The following RAI1 variants were observed in gnomAD, a reference collection of about 807,000 sequenced individuals.
The protein encoded by RAI1 is retinoic acid induced 1.
A neutral mutation model predicts 123.8 loss-of-function variants in RAI1; 9 were observed. The ratio of observed to expected loss-of-function variants is 0.07; its 90% CI spans 0.04 to 0.13. The LOEUF is 0.13. Ranked by LOEUF, RAI1 falls within the 10% of genes least tolerant of loss-of-function variation. RAI1 has a pLI of 1.00. For synonymous variants in RAI1, 1,231 were observed against 1,127.3 expected, an observed-to-expected ratio of 1.09 and a Z score of -1.84; for missense variants, 2,256 against 2,545.8, an observed-to-expected ratio of 0.89 and a Z score of 2.45.
rs368975225 is a variant in RAI1, at chr17:17,796,538, G to T, written c.3590G>T (p.Gly1197Val). ...GTCTCCAGCAGCCCCCAGAAGGAGG[G>T]CAGGGTGAGCCAGCGGGCAAGGGTC... ...FKVSSSPQKE[G>V]RVSQRARVPK... The change falls in exon 3 of 6, where the codon GGC becomes GTC. Residue 1197 changes from glycine to valine, a missense_variant. Around this residue, in one of 7 missense-constraint regions of RAI1, gnomAD observed 322 missense variants for 358.0 expected, o/e 0.90. Coordinates refer to ENST00000353383, the MANE Select transcript of RAI1 (RefSeq NM_030665.4). The surrounding 1 kb of genome is among the most constrained non-coding windows in gnomAD (Gnocchi z 5.8). The T allele has an allele frequency of 6.8e-6, 11 of 1,610,964 alleles. No individual in the cohort carries two copies. In the African/African-American group the frequency reaches 1.3e-4, roughly 20 times the overall value.
chr17:17,788,270 C>T (rs949787430), intron 2 of RAI1, among the ~76,000 whole-genome samples: 5 of 152,066 alleles, frequency 3.3e-5, no homozygotes, highest in African/African-American at 9.7e-5. Flanking sequence ...CCTCTCAGCC[C>T]GTGGACCCTA....
At chr17:17,798,663 G>T in intron 3 of RAI1, 150 bp downstream of exon 3, 3 of 1,384,688 alleles carry the variant, frequency 2.2e-6, no homozygotes, top group Non-Finnish European at 2.9e-6. Context: ...AGCCTCTCTG[G>T]GGTGTGTGGG....
intron 2 of RAI1, among the ~76,000 whole-genome samples, chr17:17,792,547 G>T: frequency 6.8e-6 from 1 of 146,168 alleles, no homozygotes. Flanking sequence ...AGTGATGGGT[G>T]GGGGACATTG....
rs757038212 is a variant in RAI1 at position 17,797,868 on chromosome 17, C to T, written c.4920C>T (p.Phe1640=). 6.2e-7 allele frequency: 1 copy of T among 1,614,030 alleles called. No homozygotes were observed. The highest frequency in any genetic ancestry group is 1.1e-5 in the South Asian group (1 of 91,086). Residue 1640 remains phenylalanine (F), a synonymous_variant, in exon 3 of 6, where the codon TTC becomes TTT. Transcript: ENST00000353383. ...CCTCTTCCTCATCCTCGTCCTCGTT[C>T]TCCTTGGATGCAGCCGGGGCCTCCC... ...SASSSSSSSS[F]SLDAAGASLA...
chr17:17,713,126 G>A (rs1339097018), intron 1 of RAI1, among the ~76,000 whole-genome samples: 3 of 152,082 alleles, frequency 2.0e-5, no homozygotes, highest in Admixed American at 6.6e-5. Context: ...CTTTAAAAGG[G>A]TGAATTTTAT....
rs541046292 is a variant in RAI1, at chr17:17,694,632, C to G, written c.-149+12839C>G. Among the ~76,000 whole-genome samples, 484 of 152,024 alleles carry G rather than the reference C, an allele frequency of 3.2e-3. 3 individuals are homozygous for G. Among genetic ancestry groups the G allele is most frequent in the African/African-American group, 0.011 (461 of 41,532 alleles). On this transcript the variant is annotated intron_variant, in intron 1 of 5. Transcript: ENST00000353383. ...TGCCGGTCCCGCCCCTCCCCGCCCG[C>G]GGCGCCCACCATCTTGGCCGCGCCG... is the stretch of plus-strand genomic sequence containing the variant.
chr17:17,793,565 G>T lies in RAI1; in HGVS notation c.617G>T (p.Gly206Val), dbSNP rs1023789134. ...GCCTCCCCTCTGCCCTTCCCCCAGGGTACCCACTTTCCTCAGCATTCCCAG... is the reference window on the plus strand; with the variant it reads ...GCCTCCCCTCTGCCCTTCCCCCAGGTTACCCACTTTCCTCAGCATTCCCAG... ...DIASPLPFPQ[G>V]THFPQHSQSF... Residue 206 changes from glycine to valine, a missense_variant, in exon 3 of 6, where the codon GGT becomes GTT. Physicochemically the swap from Gly to Val is moderately radical, Grantham distance 109 (BLOSUM62 -3). Coordinates refer to ENST00000353383, the MANE Select transcript of RAI1 (RefSeq NM_030665.4). 6 of 1,613,844 alleles carry T rather than the reference G, an allele frequency of 3.7e-6. No homozygotes were observed. The highest frequency in any genetic ancestry group is 5.1e-6 in the Non-Finnish European group (6 of 1,179,990).
At chr17:17,763,621 T>C (rs1383368096) in intron 2 of RAI1, among the ~76,000 whole-genome samples, 1 of 152,040 alleles carries the variant, frequency 6.6e-6, no homozygotes, top group Non-Finnish European at 1.5e-5. Context: ...GGGGCCCAGG[T>C]CATAAAAGAA....
intron 2 of RAI1, among the ~76,000 whole-genome samples, chr17:17,746,090 C>T (rs1221386270): frequency 2.0e-5 from 3 of 151,790 alleles, no homozygotes; most frequent in Admixed American, 2.0e-4. Flanking sequence ...GCAGATCCTC[C>T]ACCAGCACCT....
At chr17:17,773,682 CAG>C (rs1399351278) in intron 2 of RAI1, among the ~76,000 whole-genome samples, 1 of 152,144 alleles carries the variant, frequency 6.6e-6, no homozygotes, top group Non-Finnish European at 1.5e-5. Context: ...GCCCAGCACA[CAG>C]AGGGTACCCA....
intron 4 of RAI1, among the ~76,000 whole-genome samples, chr17:17,808,176 G>A (rs1224969310): frequency 6.6e-6 from 1 of 151,988 alleles, no homozygotes; most frequent in Non-Finnish European, 1.5e-5. Context: ...AGACTGGGGG[G>A]TCCCTGGGGG....
At chr17:17,766,916 GC>G (rs999032254) in intron 2 of RAI1, among the ~76,000 whole-genome samples, 2 of 151,820 alleles carry the variant, frequency 1.3e-5, no homozygotes, top group Non-Finnish European at 2.9e-5. Flanking sequence ...GGCTTTGGAA[GC>G]CCATGGGTTG....
Position 17,797,739 on chromosome 17 carries a change from C to T in RAI1, c.4791C>T (p.Pro1597=), listed in dbSNP as rs2032315947. The T allele has an allele frequency of 2.5e-6, 4 of 1,613,922 alleles. No individual in the cohort carries two copies. The highest frequency in any genetic ancestry group is 1.3e-5 in the African/African-American group (1 of 74,956). The change falls in exon 3 of 6, where the codon CCC becomes CCT. Residue 1597 remains proline, a synonymous_variant. Coordinates refer to ENST00000353383, the MANE Select transcript of RAI1 (RefSeq NM_030665.4). ...ACAGCCGGACCCCCGCCTTCTCACC[C>T]TTCGTGCGGGTGGAGAAGCGAGACG... ...RSDSRTPAFS[P]FVRVEKRDAF...
chr17:17,795,112 A>T lies in RAI1; in HGVS notation c.2164A>T (p.Thr722Ser). The T allele has an allele frequency of 6.2e-7, 1 of 1,614,014 alleles. No homozygotes were observed. ...CCTTGGGGTTCCTGCTCCAGACCCCACTACAGCAGCTTTTGACTGTTTCCC... is the reference window on the plus strand; with the variant it reads ...CCTTGGGGTTCCTGCTCCAGACCCCTCTACAGCAGCTTTTGACTGTTTCCC... The part of the protein sequence containing the change: ...PTLGVPAPDP[T>S]TAAFDCFPDT... The change falls in exon 3 of 6, where the codon ACT becomes TCT. Residue 722 changes from threonine to serine, a missense_variant. By Grantham distance (58) the Thr-to-Ser change is moderately conservative (BLOSUM62 1). Transcript: ENST00000353383. This position sits in a 1 kb window ranked among gnomAD's most constrained non-coding sequence, Gnocchi z 5.9.
intron 1 of RAI1, among the ~76,000 whole-genome samples, chr17:17,703,204 A>C (rs1271132307): frequency 6.6e-6 from 1 of 152,138 alleles, no homozygotes; most frequent in Non-Finnish European, 1.5e-5. Flanking sequence ...CCAGGCAGGG[A>C]GTGGGCTCAC....
In RAI1 at chr17:17,809,311, C is replaced by T. The variant is rs1414111241; in HGVS notation, c.5660-79C>T. The T allele has an allele frequency of 1.7e-5, 22 of 1,294,902 alleles. No homozygotes were observed. Among genetic ancestry groups the T allele is most frequent in the Non-Finnish European group, 2.4e-5 (21 of 890,110 alleles). The allele number at this position is 1,294,902 out of a possible 1,614,324, so 80.2% of individuals were successfully genotyped here. A position where few individuals can be genotyped will look rare whatever the true frequency, so the allele number is the denominator to read the frequency against. ...GGAGCCTCGCGGGCAGTGCGGCTCC[C>T]CTCCTGGCTGCAGACAAAACCCCAC... On this transcript the variant is annotated intron_variant, in intron 4 of 5. Transcript: ENST00000353383. The surrounding 1 kb of genome is among the most constrained non-coding windows in gnomAD (Gnocchi z 4.9).
chr17:17,717,915 T>G (rs1434477421), intron 1 of RAI1, among the ~76,000 whole-genome samples: 3 of 152,194 alleles, frequency 2.0e-5, no homozygotes, highest in East Asian at 1.9e-4. Context: ...CTGCCCTGTT[T>G]GAGCCTGAAG....
intron 2 of RAI1, among the ~76,000 whole-genome samples, chr17:17,746,316 T>C (rs2029914917): frequency 6.6e-6 from 1 of 152,364 alleles, no homozygotes; most frequent in African/African-American, 2.4e-5. Flanking sequence ...GCAGCCCATC[T>C]GGGAGCCAAC....
intron 1 of RAI1, among the ~76,000 whole-genome samples, chr17:17,708,384 C>G (rs1915456081): frequency 6.6e-6 from 1 of 151,438 alleles, no homozygotes; most frequent in African/African-American, 2.4e-5. Context: ...TTTGCACCTT[C>G]CTGTCCTCTC....
Sources: allele counts gnomAD v4.1 joint callset (sites outside exome capture counted in the v4.1 genomes callset), GRCh38; gene constraint gnomAD v4.1.1; regional missense constraint gnomAD v4.1.1; non-coding constraint Gnocchi (gnomAD v3.1); transcripts MANE v1.5; gene names NCBI Gene and HGNC (gene_info 2026-07-23, HGNC 2026-07-21).